The following MYC variants were observed in gnomAD, a reference collection of about 807,000 sequenced individuals.
MYC encodes the protein MYC proto-oncogene, bHLH transcription factor.
A neutral mutation model predicts 30.5 loss-of-function variants in MYC; 1 was observed. The ratio of observed to expected loss-of-function variants is 0.03; its 90% CI spans 0.01 to 0.16. The LOEUF is 0.16. Ranked by LOEUF, MYC falls within the 10% of genes least tolerant of loss-of-function variation. The pLI is 1.00. For synonymous variants in MYC, 267 were observed against 250.7 expected (o/e 1.07, Z -0.62); for missense variants, 508 against 589.0 (o/e 0.86, Z 1.42).
Position 127,740,966 on chromosome 8 carries a change from T to C in MYC, c.*8T>C. 1 of 1,538,364 alleles carries C rather than the reference T, an allele frequency of 6.5e-7. No homozygotes were observed. The highest frequency in any genetic ancestry group is 8.7e-7 in the Non-Finnish European group (1 of 1,148,090). ...CGGAACTCTTGTGCGTAAGGAAAAG[T>C]AAGGAAAACGATTCCTTCTAACAGA... is the stretch of plus-strand genomic sequence containing the variant. On this transcript the variant is annotated 3_prime_UTR_variant, in exon 3 of 3. Coordinates refer to ENST00000621592, the MANE Select transcript of MYC (RefSeq NM_002467.6).
In MYC at chr8:127,738,995, C is replaced by G. The variant is rs1057519851; in HGVS notation, c.778C>G (p.Pro260Ala). The stretch of plus-strand genomic sequence containing the variant: ...GCCCCTGGTGCTCCATGAGGAGACA[C>G]CGCCCACCACCAGCAGCGACTCTGG... The change falls in exon 2 of 3, where the codon CCG becomes GCG. Residue 260 changes from proline to alanine, a missense_variant. Physicochemically the swap from Pro to Ala is conservative, Grantham distance 27. Transcript: ENST00000621592. This position sits in a 1 kb window ranked among gnomAD's most constrained non-coding sequence, Gnocchi z 7.6. 1 of 1,522,698 alleles carries G rather than the reference C, an allele frequency of 6.6e-7. No homozygotes were observed. Among genetic ancestry groups the G allele is most frequent in the Non-Finnish European group, 8.8e-7 (1 of 1,142,132 alleles). 94.3% of individuals were successfully genotyped at this position (1,522,698 alleles called of 1,614,324 possible). A position where few individuals can be genotyped will look rare whatever the true frequency, so the allele number is the denominator to read the frequency against.
chr8:127,740,027 G>A (rs1390163255), intron 2 of MYC, among the ~76,000 whole-genome samples: 2 of 150,336 alleles, frequency 1.3e-5, no homozygotes, highest in Non-Finnish European at 2.9e-5. Flanking sequence ...CTGGAGTGCA[G>A]TGGCGCAATC....
chr8:127,737,559 T>C (rs979470262), intron 1 of MYC, among the ~76,000 whole-genome samples: 1 of 151,950 alleles, frequency 6.6e-6, no homozygotes. Flanking sequence ...GGTGCCCCTA[T>C]TATTATTTGA....
At chr8:127,735,595 C>G (rs1385341422), upstream of MYC, 3 of 399,038 alleles carry the variant, frequency 7.5e-6, no homozygotes, top group Admixed American at 4.4e-5. Flanking sequence ...CCCTTCTTTC[C>G]TCCACTCTCC....
Position 127,740,412 on chromosome 8 carries a change from T to C in MYC, c.819T>C (p.Asp273=). 1 of 1,613,606 alleles carries C rather than the reference T, an allele frequency of 6.2e-7. No individual in the cohort carries two copies. Among genetic ancestry groups the C allele is most frequent in the African/African-American group, 1.3e-5 (1 of 74,998 alleles). The stretch of plus-strand genomic sequence containing the variant: ...TTCTTAAAGAGGAGGAACAAGAAGA[T>C]GAGGAAGAAATCGATGTTGTTTCTG... Residue 273 remains aspartate (D), a synonymous_variant, in exon 3 of 3, where the codon GAT becomes GAC. Transcript: ENST00000621592.
At chr8:127,735,694 G>C, upstream of MYC, 1 of 399,002 alleles carries the variant, frequency 2.5e-6, no homozygotes, top group Non-Finnish European at 4.4e-6. Context: ...CGGTGGGCGC[G>C]CAGTGCGTTC....
chr8:127,739,530 G>A (rs1813672090), intron 2 of MYC, among the ~76,000 whole-genome samples: 1 of 152,214 alleles, frequency 6.6e-6, no homozygotes, highest in African/African-American at 2.4e-5. Context: ...TCAAGAGTGG[G>A]TGGGCTGAGG....
In MYC at chr8:127,742,581, A is replaced by T. The variant is rs1346192556; in HGVS notation, c.*1623A>T. ...TGACTCCTACCTTAGCCATTTGTTG[A>T]ATCAGACTCATGACGGCTCCTGGGA... On this transcript the variant is annotated 3_prime_UTR_variant, in exon 3 of 3. Transcript: ENST00000621592. 1.4e-4 allele frequency among the ~76,000 whole-genome samples: 21 copies of T among 152,226 alleles called. No homozygotes were observed. The highest frequency in any genetic ancestry group is 1.4e-3 in the Admixed American group (21 of 15,290).
At position 127,740,887 on chromosome 8, in the gene MYC, G is replaced by A. The variant is rs1389942859; in HGVS notation, c.1294G>A (p.Glu432Lys). Residue 432 changes from glutamate to lysine, a missense_variant, in exon 3 of 3, where the codon GAG (glutamate) becomes AAG (lysine). By Grantham distance (56) the Glu-to-Lys change is moderately conservative. Around this residue, in one of 5 missense-constraint regions of MYC, gnomAD observed 31 missense variants for 28.3 expected, o/e 1.09. Transcript: ENST00000621592. ...AGAGGAGCAAAAGCTCATTTCTGAA[G>A]AGGACTTGTTGCGGAAACGACGAGA... 1.2e-6 allele frequency: 2 copies of A among 1,610,076 alleles called. No homozygotes were observed. Among genetic ancestry groups the A allele is most frequent in the Non-Finnish European group, 1.7e-6 (2 of 1,178,944 alleles).
rs1490057941 is a variant in MYC at position 127,740,546 on chromosome 8, C to G, written c.953C>G (p.Ser318Cys). The G allele has an allele frequency of 1.2e-6, 2 of 1,613,946 alleles. No individual in the cohort carries two copies. The highest frequency in any genetic ancestry group is 2.2e-5 in the East Asian group (1 of 44,884). ...CTGGTCCTCAAGAGGTGCCACGTCT[C>G]CACACATCAGCACAACTACGCAGCG... Residue 318 changes from serine to cysteine, a missense_variant, in exon 3 of 3, where the codon TCC becomes TGC. By Grantham distance (112) the Ser-to-Cys change is moderately radical. Coordinates refer to ENST00000621592, the MANE Select transcript of MYC (RefSeq NM_002467.6).
chr8:127,735,987 G>T (rs1430571747), upstream of MYC: 1 of 389,430 alleles, frequency 2.6e-6, no homozygotes, highest in Non-Finnish European at 4.5e-6. Flanking sequence ...AAAGCAGAGG[G>T]CGTGGGGGAA....
rs990648738 is a variant in MYC, at chr8:127,741,214, G to A, written c.*256G>A. On this transcript the variant is annotated 3_prime_UTR_variant, in exon 3 of 3. Transcript: ENST00000621592. ...TAAAAAATTTTAAGATTTACACAAT[G>A]TTTCTCTGTAAATATTGCCATTAAA... The A allele has an allele frequency of 2.0e-5, 7 of 354,954 alleles. No individual in the cohort carries two copies. Among genetic ancestry groups the A allele is most frequent in the Non-Finnish European group, 3.5e-5 (7 of 197,728 alleles). The allele number at this position is 354,954 out of a possible 1,614,324, so 22.0% of individuals were successfully genotyped here.
intron 1 of MYC, among the ~76,000 whole-genome samples, chr8:127,737,444 C>T (rs533212135): frequency 4.6e-4 from 70 of 152,324 alleles, no homozygotes; most frequent in African/African-American, 1.5e-3. Flanking sequence ...GAGCGGGGCT[C>T]TGGGCGGTTC....
At position 127,738,753 on chromosome 8, in the gene MYC, C is replaced by T. The variant is rs1813653260; in HGVS notation, c.536C>T (p.Pro179Leu). 2 of 1,611,756 alleles carry T rather than the reference C, an allele frequency of 1.2e-6. No homozygotes were observed. The highest frequency in any genetic ancestry group is 1.1e-5 in the South Asian group (1 of 90,866). ...CGCAAAGACAGCGGCAGCCCGAACCCCGCCCGCGGCCACAGCGTCTGCTCC... is the reference window on the plus strand; with the variant it reads ...CGCAAAGACAGCGGCAGCCCGAACCTCGCCCGCGGCCACAGCGTCTGCTCC... Residue 179 changes from proline to leucine, a missense_variant, in exon 2 of 3, where the codon CCC becomes CTC. By Grantham distance (98) the Pro-to-Leu change is moderately conservative. Around this residue, in one of 5 missense-constraint regions of MYC, gnomAD observed 364 missense variants for 381.1 expected, o/e 0.96. Transcript: ENST00000621592. The surrounding 1 kb of genome is among the most constrained non-coding windows in gnomAD (Gnocchi z 7.6).
chr8:127,736,034 C>A, upstream of MYC: 1 of 398,780 alleles, frequency 2.5e-6, no homozygotes, highest in Non-Finnish European at 4.4e-6. Context: ...CTCCGCCCAC[C>A]GGCCCTTTAT....
rs1267761258 is a variant in MYC at position 127,738,130 on chromosome 8, G to C, written c.31-118G>C. 3.1e-6 allele frequency: 4 copies of C among 1,277,658 alleles called. No individual in the cohort carries two copies. The African/African-American group carries it at 6.0e-5, about 19-fold the overall frequency. 79.1% of individuals were successfully genotyped at this position (1,277,658 alleles called of 1,614,324 possible). On this transcript the variant is annotated intron_variant, in intron 1 of 2. Coordinates refer to ENST00000621592, the MANE Select transcript of MYC (RefSeq NM_002467.6). The surrounding 1 kb of genome is among the most constrained non-coding windows in gnomAD (Gnocchi z 7.6). The stretch of plus-strand genomic sequence containing the variant: ...CCAAGACCACCCAGCCGCTTTAGGG[G>C]ATAGCTCTGCAAGGGGAGAGGTTCG...
rs1378364119 is a variant in MYC, at chr8:127,736,563, C to G, written c.-31C>G. 5 of 1,613,912 alleles carry G rather than the reference C, an allele frequency of 3.1e-6. No homozygotes were observed. The highest frequency in any genetic ancestry group is 4.2e-6 in the Non-Finnish European group (5 of 1,179,988). On this transcript the variant is annotated 5_prime_UTR_variant, in exon 1 of 3. Coordinates refer to ENST00000621592, the MANE Select transcript of MYC (RefSeq NM_002467.6). ...CCCGCCGCTGCCAGGACCCGCTTCT[C>G]TGAAAGGCTCTCCTTGCAGCTGCTT...
rs999765993 is a variant in MYC, at chr8:127,741,784, TA to T, written c.*828del. On this transcript the variant is annotated 3_prime_UTR_variant, in exon 3 of 3. Coordinates refer to ENST00000621592, the MANE Select transcript of MYC (RefSeq NM_002467.6). ...AGGAAGAAACTCCTGTTACTTTAGT[TA>T]ACCAGTGCCAGTCCCCTGCTCACTC... Among the ~76,000 whole-genome samples the T allele has an allele frequency of 1.3e-5, 2 of 152,152 alleles. No homozygotes were observed. The highest frequency in any genetic ancestry group is 2.4e-5 in the African/African-American group (1 of 41,446).
Position 127,742,481 on chromosome 8 carries a change from T to A in MYC, c.*1523T>A, listed in dbSNP as rs1390434454. The stretch of plus-strand genomic sequence containing the variant: ...CCTGGTCAGGCATCAGTTCCCCTTT[T>A]TTTGTGATTTATTTTGTTTTTATTT... On this transcript the variant is annotated 3_prime_UTR_variant, in exon 3 of 3. Transcript: ENST00000621592. 6.6e-6 allele frequency among the ~76,000 whole-genome samples: 1 copy of A among 152,184 alleles called. No homozygotes were observed. The highest frequency in any genetic ancestry group is 6.5e-5 in the Admixed American group (1 of 15,280).
Sources: gnomAD v4.1 joint callset for allele counts (sites outside exome capture counted in the v4.1 genomes callset) on GRCh38, gnomAD v4.1.1 for gene constraint, gnomAD v4.1.1 regional missense constraint, Gnocchi (gnomAD v3.1) non-coding constraint, MANE v1.5 for transcripts, NCBI Gene and HGNC (gene_info 2026-07-23, HGNC 2026-07-21) for gene names.